LAIR1: variants seen among roughly 807,000 people sequenced by gnomAD.
The protein encoded by LAIR1 is leukocyte associated immunoglobulin like receptor 1, also known as leukocyte-associated immunoglobulin-like receptor 1.
LAIR1 carries 24 observed loss-of-function variants against 32.8 expected under a neutral mutation model. The ratio of observed to expected loss-of-function variants is 0.73; its 90% CI spans 0.53 to 1.03. LAIR1 has a LOEUF of 1.03. Ranked by LOEUF, LAIR1 falls within the 50% of genes least tolerant of loss-of-function variation. The probability of loss-of-function intolerance (pLI) is 0.00; values close to 1 mark genes in which losing one functional copy is unlikely to be tolerated. For missense variants in LAIR1, 355 were observed against 347.5 expected, an observed-to-expected ratio of 1.02 and a Z score of -0.17; for synonymous variants, 150 against 140.5, an observed-to-expected ratio of 1.07 and a Z score of -0.48.
intron 2 of LAIR1, among the ~76,000 whole-genome samples, chr19:54,363,477 C>T (rs1242246047): frequency 1.3e-5 from 2 of 152,096 alleles, no homozygotes; most frequent in East Asian, 1.9e-4. Flanking sequence ...AATCGGTGTG[C>T]GGAGCTGACG....
Position 54,355,487 on chromosome 19 carries a change from T to C in LAIR1, c.718-73A>G. ...ACGAGGGGCTGTGGGGAGGGAGGGC[T>C]GTGGCGGCCATCTCCATGGGCCCTG... On this transcript the variant is annotated intron_variant, in intron 9 of 9. Coordinates refer to ENST00000391742, the MANE Select transcript of LAIR1 (RefSeq NM_002287.6). This position sits in a 1 kb window ranked among gnomAD's most constrained non-coding sequence, Gnocchi z 4.7. 3.6e-6 allele frequency: 5 copies of C among 1,390,348 alleles called. No homozygotes were observed. In the Admixed American group the frequency reaches 6.9e-5, roughly 19 times the overall value. The allele number at this position is 1,390,348 out of a possible 1,614,324, so 86.1% of individuals were successfully genotyped here. A position where few individuals can be genotyped will look rare whatever the true frequency, so the allele number is the denominator to read the frequency against.
At position 54,358,562 on chromosome 19, in the gene LAIR1, G is replaced by A. The variant is rs184126832; in HGVS notation, c.415+1460C>T. On this transcript the variant is annotated intron_variant, in intron 4 of 9. Coordinates refer to ENST00000391742, the MANE Select transcript of LAIR1 (RefSeq NM_002287.6). ...TTCTCCCCATTGAAGTTCACAAGAC[G>A]GGAGGCCATTTCTCCTCATTCTTGG... 4.8e-4 allele frequency: 769 copies of A among 1,610,238 alleles called. 3 individuals carry two copies. Among genetic ancestry groups the A allele is most frequent in the Admixed American group, 1.1e-3 (64 of 59,886 alleles).
chr19:54,370,268 C>A lies in LAIR1; in HGVS notation c.10G>T (p.Glu4Ter). ...TGTGGTAGCAGGGACTCACCCATTTCTCTTTCCATCTTCTGTCGCGGATGC... is the reference window on the plus strand; with the variant it reads ...TGTGGTAGCAGGGACTCACCCATTTATCTTTCCATCTTCTGTCGCGGATGC... The change falls in exon 1 of 9, where the codon GAA (glutamate) becomes TAA (stop). Residue 4 changes from glutamate to a stop codon, truncating the protein, a stop_gained. Transcript: ENST00000391743. LOFTEE classifies it high-confidence loss of function. 1 of 1,541,928 alleles carries A rather than the reference C, an allele frequency of 6.5e-7. No homozygotes were observed. Among genetic ancestry groups the A allele is most frequent in the Non-Finnish European group, 8.8e-7 (1 of 1,142,684 alleles).
chr19:54,373,383 G>T (rs1255211562), upstream of LAIR1, among the ~76,000 whole-genome samples: 1 of 152,146 alleles, frequency 6.6e-6, no homozygotes, highest in South Asian at 2.1e-4. Context: ...GGCGGAGCTT[G>T]CAGTGAGCCG....
chr19:54,374,520 C>T (rs1057454796), upstream of LAIR1, among the ~76,000 whole-genome samples: 6 of 152,152 alleles, frequency 3.9e-5, no homozygotes, highest in South Asian at 2.1e-4. Flanking sequence ...GGTATGAGTC[C>T]GGCCCCAGAT....
At chr19:54,361,299 T>C (rs1442741853) in intron 2 of LAIR1, 90 bp from the exon 3 acceptor site, 9 of 1,426,688 alleles carry the variant, frequency 6.3e-6, no homozygotes, top group Admixed American at 3.6e-5. Context: ...TCAGGGATTT[T>C]AGCAATTTTA....
chr19:54,374,456 C>T (rs1396859614), upstream of LAIR1, among the ~76,000 whole-genome samples: 2 of 152,092 alleles, frequency 1.3e-5, no homozygotes, highest in East Asian at 1.9e-4. Flanking sequence ...CGGCCCACTC[C>T]GTTTCCTCTT....
upstream of LAIR1, among the ~76,000 whole-genome samples, chr19:54,365,415 A>G (rs759220401): frequency 1.3e-5 from 2 of 152,314 alleles, no homozygotes; most frequent in East Asian, 1.9e-4. Context: ...GGCAATCACT[A>G]TAGAGAACAG....
At position 54,356,205 on chromosome 19, in the gene LAIR1, C is replaced by T. The variant is rs1322528176; in HGVS notation, c.664+25G>A. 5.6e-6 allele frequency: 9 copies of T among 1,606,582 alleles called. 1 individual carries two copies. In the South Asian group the frequency reaches 8.9e-5, roughly 16 times the overall value. On this transcript the variant is annotated intron_variant, in intron 8 of 9. Transcript: ENST00000391742. Reference sequence around the variant, plus strand: ...CAAGTCCCCACTTCCCCATCCCAGGCCTGTCCCTCCTCCTCCCCCTTTACC... The same window carrying T: ...CAAGTCCCCACTTCCCCATCCCAGGTCTGTCCCTCCTCCTCCCCCTTTACC...
At chr19:54,367,076 A>C (rs2082280742), upstream of LAIR1, among the ~76,000 whole-genome samples, 2 of 152,184 alleles carry the variant, frequency 1.3e-5, no homozygotes, top group Admixed American at 1.3e-4. Context: ...CTACCCCATA[A>C]ATATATACAC....
upstream of LAIR1, among the ~76,000 whole-genome samples, chr19:54,372,877 T>C (rs997373979): frequency 6.6e-6 from 1 of 151,480 alleles, no homozygotes; most frequent in Non-Finnish European, 1.5e-5. Context: ...ATGCCTGTAA[T>C]ACCAGCATTT....
At chr19:54,356,677 A>G in intron 5 of LAIR1, 58 bp from the exon 6 acceptor site, 1 of 1,530,954 alleles carries the variant, frequency 6.5e-7, no homozygotes, top group East Asian at 2.2e-5. Context: ...CCTACTGTAT[A>G]CCACACACAC....
In LAIR1 at chr19:54,355,831, C is replaced by T. The variant is rs1601262896; in HGVS notation, c.717+123G>A. The T allele has an allele frequency of 2.8e-6, 2 of 726,208 alleles. No individual in the cohort carries two copies. Among genetic ancestry groups the T allele is most frequent in the Admixed American group, 4.0e-5 (2 of 49,582 alleles). The allele number at this position is 726,208 out of a possible 1,614,324, so 45.0% of individuals were successfully genotyped here. On this transcript the variant is annotated intron_variant, in intron 9 of 9. Coordinates refer to ENST00000391742, the MANE Select transcript of LAIR1 (RefSeq NM_002287.6). This position sits in a 1 kb window ranked among gnomAD's most constrained non-coding sequence, Gnocchi z 4.7. ...CCCTGGGCGACCTCTCGACAGCAAC[C>T]TCAGGACAGGCCGTGAGCCGGAACC... is the stretch of plus-strand genomic sequence containing the variant.
upstream of LAIR1, among the ~76,000 whole-genome samples, chr19:54,372,949 G>A (rs1438422949): frequency 2.6e-5 from 4 of 151,214 alleles, no homozygotes; most frequent in Non-Finnish European, 5.9e-5. Context: ...TGGCCAACCT[G>A]GTGAAACCCC....
At chr19:54,357,854 C>G (rs950184082) in intron 4 of LAIR1, among the ~76,000 whole-genome samples, 1 of 151,366 alleles carries the variant, frequency 6.6e-6, no homozygotes, top group Admixed American at 6.6e-5. Context: ...GTCTAAGGTC[C>G]AGGACACCAC....
At chr19:54,365,558 G>A (rs2112821), upstream of LAIR1, among the ~76,000 whole-genome samples, 104,478 of 151,970 alleles carry the variant, frequency 0.69, 37,876 homozygotes, top group African/African-American at 0.92. Context: ...CGGGAGGCCG[G>A]GGTGGGTGGA....
At chr19:54,370,858 C>T (rs2082388442), upstream of LAIR1, among the ~76,000 whole-genome samples, 1 of 150,624 alleles carries the variant, frequency 6.6e-6, no homozygotes, top group South Asian at 2.1e-4. Flanking sequence ...TCAAAGTAGG[C>T]ACAATTTGCT....
intron 2 of LAIR1, among the ~76,000 whole-genome samples, chr19:54,363,940 A>C (rs1216944732): frequency 6.6e-6 from 1 of 152,240 alleles, no homozygotes; most frequent in Non-Finnish European, 1.5e-5. Flanking sequence ...AAGGAGATTT[A>C]AAATATTCTC....
Position 54,352,917 on chromosome 19 carries a change from G to A in LAIR1, c.*2351C>T, listed in dbSNP as rs2081560249. The A allele has an allele frequency of 6.6e-6, 1 of 152,180 alleles. No homozygotes were observed. Among genetic ancestry groups the A allele is most frequent in the Non-Finnish European group, 1.5e-5 (1 of 68,042 alleles). The allele number at this position is 152,180 out of a possible 1,614,324, so 9.4% of individuals were successfully genotyped here. A position where few individuals can be genotyped will look rare whatever the true frequency, so the allele number is the denominator to read the frequency against. On this transcript the variant is annotated 3_prime_UTR_variant, in exon 10 of 10. Coordinates refer to ENST00000391742, the MANE Select transcript of LAIR1 (RefSeq NM_002287.6). The stretch of plus-strand genomic sequence containing the variant: ...CTCATGCCTGTAATCCCAGGACTTT[G>A]GGAGGCTGAGGTGGGCAGATCACCT...
Sources: gnomAD v4.1 joint callset for allele counts (sites outside exome capture counted in the v4.1 genomes callset) on GRCh38, gnomAD v4.1.1 for gene constraint, Gnocchi (gnomAD v3.1) non-coding constraint, MANE v1.5 for transcripts, NCBI Gene and HGNC (gene_info 2026-07-23, HGNC 2026-07-21) for gene names.